The following PGCKA1 variants were observed in gnomAD, a reference collection of about 807,000 sequenced individuals.
The protein encoded by PGCKA1 is PDCD10 and GCKIII kinases associated 1.
At chr4:37,501,042 A>ACC in the PGCKA1 span, among the ~76,000 whole-genome samples, 1 of 152,148 alleles carries the variant, frequency 6.6e-6, no homozygotes, top group Non-Finnish European at 1.5e-5. Context: ...AAGACAGTAT[A>ACC]CCACTGGGTC....
At chr4:37,533,492 C>T in the PGCKA1 span, among the ~76,000 whole-genome samples, 2 of 152,194 alleles carry the variant, frequency 1.3e-5, no homozygotes, top group African/African-American at 2.4e-5. Flanking sequence ...TATGTTTCTG[C>T]ATTACATTCC....
chr4:37,550,093 T>C, the PGCKA1 span, among the ~76,000 whole-genome samples: 3 of 152,288 alleles, frequency 2.0e-5, no homozygotes, highest in Non-Finnish European at 4.4e-5. Context: ...GGAACCTGTT[T>C]GTATAATAAC....
the PGCKA1 span, among the ~76,000 whole-genome samples, chr4:37,557,336 T>C: frequency 6.6e-6 from 1 of 152,226 alleles, no homozygotes; most frequent in Non-Finnish European, 1.5e-5. Flanking sequence ...TGTCATGTAA[T>C]GTTTATCAAT....
At chr4:37,542,440 A>G in the PGCKA1 span, among the ~76,000 whole-genome samples, 1 of 152,370 alleles carries the variant, frequency 6.6e-6, no homozygotes, top group South Asian at 2.1e-4. Context: ...AATATCAAGC[A>G]AGAATCTATT....
At chr4:37,537,419 T>G in the PGCKA1 span, among the ~76,000 whole-genome samples, 1 of 152,204 alleles carries the variant, frequency 6.6e-6, no homozygotes, top group Admixed American at 6.5e-5. Context: ...TTATAAACAT[T>G]GAAGAATATT....
the PGCKA1 span, among the ~76,000 whole-genome samples, chr4:37,556,394 T>C: frequency 6.6e-6 from 1 of 152,004 alleles, no homozygotes; most frequent in South Asian, 2.1e-4. Context: ...CCGCCTCCTG[T>C]GTAGCTGGGA....
the PGCKA1 span, among the ~76,000 whole-genome samples, chr4:37,508,001 C>T: frequency 6.6e-6 from 1 of 152,102 alleles, no homozygotes; most frequent in African/African-American, 2.4e-5. Context: ...ACATGTCATG[C>T]CCTCTCTCCT....
chr4:37,482,043 C>A, the PGCKA1 span, among the ~76,000 whole-genome samples: 10 of 152,180 alleles, frequency 6.6e-5, no homozygotes, highest in Non-Finnish European at 1.5e-4. Context: ...GCTTCCCCAG[C>A]CAAGCTGAAC....
the PGCKA1 span, among the ~76,000 whole-genome samples, chr4:37,464,167 A>C: frequency 6.6e-6 from 1 of 152,084 alleles, no homozygotes; most frequent in Non-Finnish European, 1.5e-5. Flanking sequence ...TGGGGGTTGT[A>C]TTTTCTTCCA....
the PGCKA1 span, among the ~76,000 whole-genome samples, chr4:37,510,845 G>C: frequency 1.3e-5 from 2 of 151,466 alleles, no homozygotes; most frequent in African/African-American, 2.4e-5. Context: ...TGGAAGCCTG[G>C]GACTGGAGTC....
the PGCKA1 span, among the ~76,000 whole-genome samples, chr4:37,556,486 C>T: frequency 6.6e-6 from 1 of 152,114 alleles, no homozygotes; most frequent in Non-Finnish European, 1.5e-5. Context: ...CCAGGCTGGT[C>T]TCGAACTCCT....
chr4:37,549,256 A>G, the PGCKA1 span, among the ~76,000 whole-genome samples: 1 of 152,206 alleles, frequency 6.6e-6, no homozygotes, highest in African/African-American at 2.4e-5. Context: ...GTGGACCTTT[A>G]CTGGGCACTC....
the PGCKA1 span, chr4:37,591,003 G>T: frequency 1.2e-6 from 2 of 1,600,110 alleles, no homozygotes; most frequent in South Asian, 2.3e-5. Flanking sequence ...CTGATTAGGG[G>T]AGGGGATTTG....
the PGCKA1 span, among the ~76,000 whole-genome samples, chr4:37,489,919 T>C: frequency 3.3e-5 from 5 of 152,270 alleles, 1 homozygote; most frequent in Admixed American, 3.3e-4. Flanking sequence ...ACGCATAATA[T>C]GTTCTTTGAC....
At chr4:37,576,193 G>A in the PGCKA1 span, among the ~76,000 whole-genome samples, 12 of 151,916 alleles carry the variant, frequency 7.9e-5, no homozygotes, top group East Asian at 1.9e-4. Flanking sequence ...ACATTTTAAC[G>A]ATATTGATTC....
At chr4:37,462,149 G>GGGGTTTT in the PGCKA1 span, among the ~76,000 whole-genome samples, 3 of 150,632 alleles carry the variant, frequency 2.0e-5, no homozygotes, top group Admixed American at 1.3e-4. Flanking sequence ...TTCCAAATCT[G>GGGGTTTT]TATGTCCATG....
At chr4:37,508,746 A>G in the PGCKA1 span, among the ~76,000 whole-genome samples, 3 of 140,712 alleles carry the variant, frequency 2.1e-5, no homozygotes, top group African/African-American at 8.1e-5. Flanking sequence ...TGGCAGGGTC[A>G]TAGGACAATA....
chr4:37,589,843 G>T, the PGCKA1 span, among the ~76,000 whole-genome samples: 2 of 152,184 alleles, frequency 1.3e-5, no homozygotes, highest in Non-Finnish European at 2.9e-5. Context: ...TGTCGGTCAG[G>T]CTGGTCTCGA....
At chr4:37,564,393 C>G in the PGCKA1 span, among the ~76,000 whole-genome samples, 1 of 152,174 alleles carries the variant, frequency 6.6e-6, no homozygotes, top group Admixed American at 6.5e-5. Flanking sequence ...ATTGCCAGCC[C>G]TGTCACATGC....
Sources: allele counts gnomAD v4.1 joint callset (sites outside exome capture counted in the v4.1 genomes callset), GRCh38; gene constraint gnomAD v4.1.1; transcripts MANE v1.5; gene names NCBI Gene and HGNC (gene_info 2026-07-23, HGNC 2026-07-21).